FAM9B: variants seen among roughly 807,000 people sequenced by gnomAD.
The protein encoded by FAM9B is family with sequence similarity 9 member B, also known as protein FAM9B.
FAM9B carries 18 observed loss-of-function variants against 16.6 expected under a neutral mutation model. That is an observed-to-expected ratio of 1.09 (90% CI 0.75 to 1.61). FAM9B has a LOEUF of 1.61. Among genes scored for constraint, FAM9B ranks in the 40% most tolerant of loss-of-function variants. The pLI is 0.00. For missense variants in FAM9B, 155 were observed against 136.0 expected, an observed-to-expected ratio of 1.14 and a Z score of -0.70; for synonymous variants, 43 against 42.6, an observed-to-expected ratio of 1.01 and a Z score of -0.03.
At chrX:9,026,551 G>A (rs1313965659) in intron 7 of FAM9B, among the ~76,000 whole-genome samples, 1 of 111,368 alleles carries the variant, frequency 9.0e-6, no homozygotes, top group Non-Finnish European at 1.9e-5. Context: ...AATCAATGAA[G>A]GATGGCTCAG....
rs756419976 is a variant in FAM9B, at chrX:9,032,164, G to A, written c.150-3C>T. On this transcript the variant is annotated splice_region_variant and splice_polypyrimidine_tract_variant and intron_variant, in intron 3 of 8. Coordinates refer to ENST00000327220, the MANE Select transcript of FAM9B (RefSeq NM_205849.3). ...CTTCTGGCTTCTTGGTATTAGCCCTGTAAAAAAAGTTACATCAAAATTTTA... is the reference window on the plus strand; with the variant it reads ...CTTCTGGCTTCTTGGTATTAGCCCTATAAAAAAAGTTACATCAAAATTTTA... 8.3e-7 allele frequency: 1 copy of A among 1,203,041 alleles called. No homozygotes were observed. The highest frequency in any genetic ancestry group is 1.1e-6 in the Non-Finnish European group (1 of 891,819).
chrX:9,029,458 G>C (rs749163144), intron 5 of FAM9B, 40 bp from the exon 6 acceptor site: 2 of 970,488 alleles, frequency 2.1e-6, no homozygotes, highest in African/African-American at 1.9e-5. Context: ...ACGTCATAGA[G>C]AGATGAAAAA....
At chrX:9,030,901 A>C (rs770890869) in intron 4 of FAM9B, 1 of 112,149 alleles carries the variant, frequency 8.9e-6, no homozygotes, top group Non-Finnish European at 1.9e-5. Context: ...CATGAGTATA[A>C]AAATTTAGGT....
chrX:9,028,857 T>C (rs1198933536), intron 6 of FAM9B, among the ~76,000 whole-genome samples: 1 of 111,259 alleles, frequency 9.0e-6, no homozygotes, highest in Non-Finnish European at 1.9e-5. Flanking sequence ...ACTTCAGTAC[T>C]ACAGCTCAGG....
intron 1 of FAM9B, 111 bp downstream of exon 1, chrX:9,033,738 GCGA>G: frequency 1.4e-6 from 1 of 734,134 alleles, no homozygotes; most frequent in Non-Finnish European, 1.6e-6. Context: ...CAGGCCCCAG[GCGA>G]CGACGCTGGG....
intron 4 of FAM9B, chrX:9,030,581 G>A (rs1238527188): frequency 2.2e-5 from 6 of 273,207 alleles, no homozygotes; most frequent in Admixed American, 6.4e-5. Context: ...ATTCCAGTTG[G>A]TATAACTGAA....
Position 9,029,317 on chromosome X carries a change from T to C in FAM9B, c.383A>G (p.Glu128Gly). The C allele has an allele frequency of 1.7e-6, 2 of 1,198,049 alleles. No individual in the cohort carries two copies. Among genetic ancestry groups the C allele is most frequent in the African/African-American group, 1.7e-5 (1 of 57,532 alleles). Reference sequence around the variant, plus strand: ...AAGCATGATACCAACAATTAGTTCTTCCTCTTCTCCCTCTTCTTCTTCTTC... The same window carrying C: ...AAGCATGATACCAACAATTAGTTCTCCCTCTTCTCCCTCTTCTTCTTCTTC... ...KEEEEEEGEE[E>G]ELIRIFQEQQ... The change falls in exon 6 of 9, where the codon GAA becomes GGA. Residue 128 changes from glutamate (E) to glycine (G), a missense_variant. By Grantham distance (98) the Glu-to-Gly change is moderately conservative. Transcript: ENST00000327220.
In FAM9B at chrX:9,032,553, TGGG is replaced by T. The variant is rs149136773; in HGVS notation, c.29-95_29-93del. 6.3e-4 allele frequency: 184 copies of T among 292,198 alleles called. 3 individuals carry two copies. The highest frequency in any genetic ancestry group is 4.5e-3 in the African/African-American group (152 of 33,814). The allele number at this position is 292,198 out of a possible 1,213,427, so 24.1% of individuals were successfully genotyped here. A position where few individuals can be genotyped will look rare whatever the true frequency, so the allele number is the denominator to read the frequency against. On this transcript the variant is annotated intron_variant, in intron 2 of 8. Coordinates refer to ENST00000327220, the MANE Select transcript of FAM9B (RefSeq NM_205849.3). ...GAAATGTACTAGTTGTAGACTTTTT[TGGG>T]GGGGGGGGGCTCTCTGCCAATTAAA...
At chrX:9,028,311 T>C (rs1022011167) in intron 6 of FAM9B, among the ~76,000 whole-genome samples, 5 of 111,493 alleles carry the variant, frequency 4.5e-5, no homozygotes, top group African/African-American at 1.6e-4. Context: ...CTAAGAAAAA[T>C]TCTTTCTAAG....
At chrX:9,033,658 G>A in intron 1 of FAM9B, 194 bp downstream of exon 1, 1 of 676,895 alleles carries the variant, frequency 1.5e-6, no homozygotes, top group South Asian at 7.8e-5. Flanking sequence ...CACCCAGGCA[G>A]CTCCAGCTCC....
chrX:9,030,190 G>T (rs900197542), intron 5 of FAM9B, 71 bp downstream of exon 5: 1 of 1,158,978 alleles, frequency 8.6e-7, no homozygotes, highest in Non-Finnish European at 1.2e-6. Context: ...GATAGTTTTT[G>T]AAATTATTTG....
chrX:9,029,334 T>G lies in FAM9B; in HGVS notation c.366A>C (p.Glu122Asp). The change falls in exon 6 of 9, where the codon GAA becomes GAC. Residue 122 changes from glutamate to aspartate, a missense_variant. Coordinates refer to ENST00000327220, the MANE Select transcript of FAM9B (RefSeq NM_205849.3). ...YITDEQKEEE[E>D]EEGEEEELIR... ...TTAGTTCTTCCTCTTCTCCCTCTTC[T>G]TCTTCTTCCTCTTTCTGCTCGTCTG... 1 of 1,207,561 alleles carries G rather than the reference T, an allele frequency of 8.3e-7. No individual in the cohort carries two copies. The highest frequency in any genetic ancestry group is 1.1e-6 in the Non-Finnish European group (1 of 892,096).
chrX:9,033,026 C>T lies in FAM9B; in HGVS notation c.-40G>A. The T allele has an allele frequency of 8.3e-7, 1 of 1,212,069 alleles. No homozygotes were observed. Among genetic ancestry groups the T allele is most frequent in the Non-Finnish European group, 1.1e-6 (1 of 895,547 alleles). ...ACTGGGCCTTGGCAGCCCTCCTGCCCACAGGATCCGTGGCTGGTTGTCCTG... is the reference window on the plus strand; with the variant it reads ...ACTGGGCCTTGGCAGCCCTCCTGCCTACAGGATCCGTGGCTGGTTGTCCTG... On this transcript the variant is annotated 5_prime_UTR_variant, in exon 2 of 9. Coordinates refer to ENST00000327220, the MANE Select transcript of FAM9B (RefSeq NM_205849.3).
At chrX:9,033,710 C>A in intron 1 of FAM9B, 142 bp downstream of exon 1, 1 of 672,575 alleles carries the variant, frequency 1.5e-6, no homozygotes, top group Non-Finnish European at 1.8e-6. Context: ...AGCCCACCCT[C>A]AGGGCCTCGC....
At chrX:9,029,831 C>A (rs772734252) in intron 5 of FAM9B, among the ~76,000 whole-genome samples, 16 of 112,116 alleles carry the variant, frequency 1.4e-4, no homozygotes, top group Non-Finnish European at 2.8e-4. Context: ...CACTTTGGCA[C>A]ACCAATGATT....
chrX:9,025,562 G>A lies in FAM9B; in HGVS notation c.514C>T (p.Leu172Phe), dbSNP rs779744265. The change falls in exon 8 of 9, where the codon CTT becomes TTT. Residue 172 changes from leucine (L) to phenylalanine (F), a missense_variant. Physicochemically the swap from Leu to Phe is conservative, Grantham distance 22. Coordinates refer to ENST00000327220, the MANE Select transcript of FAM9B (RefSeq NM_205849.3). ...FVKALEDFED[L>F]CDRVFSDEDS... ...TCATCGGAAAAAACTCTGTCACAAA[G>A]GTCTTCAAAGTCCTCAAGAGCCTAA... The A allele has an allele frequency of 8.4e-5, 101 of 1,204,511 alleles. No homozygotes were observed. The Admixed American group carries it at 1.9e-3, about 22-fold the overall frequency.
At chrX:9,033,503 GTCCTGT>G in intron 1 of FAM9B, 1 of 499,551 alleles carries the variant, frequency 2.0e-6, no homozygotes. Flanking sequence ...GACCCCAAGT[GTCCTGT>G]CCTGTCGGGC....
chrX:9,032,390 C>G lies in FAM9B; in HGVS notation c.100G>C (p.Asp34His). 1 of 1,211,976 alleles carries G rather than the reference C, an allele frequency of 8.3e-7. No individual in the cohort carries two copies. Among genetic ancestry groups the G allele is most frequent in the Non-Finnish European group, 1.1e-6 (1 of 895,582 alleles). Residue 34 changes from aspartate to histidine, a missense_variant, in exon 3 of 9, where the codon GAT becomes CAT. Transcript: ENST00000327220. ...FTETREEDVT[D>H]EHGEREPFAE... is the part of the protein sequence containing the mutation. ...AAAGGTTCTCTTTCCCCATGCTCAT[C>G]AGTTACATCTTCCTCCCTTGTTTCT...
chrX:9,032,308 A>C (rs375440422), intron 3 of FAM9B, 33 bp downstream of exon 3: 268 of 1,208,340 alleles, frequency 2.2e-4, no homozygotes, highest in Non-Finnish European at 2.7e-4. Flanking sequence ...AAAAGACCCT[A>C]TCCGACAGGC....
Sources: allele counts gnomAD v4.1 joint callset (sites outside exome capture counted in the v4.1 genomes callset), GRCh38; gene constraint gnomAD v4.1.1; transcripts MANE v1.5; gene names NCBI Gene and HGNC (gene_info 2026-07-23, HGNC 2026-07-21).